Variants in MARCHF1 observed in about 807,000 individuals in gnomAD.
The protein encoded by MARCHF1 is membrane associated ring-CH-type finger 1.
In MARCHF1, 40 loss-of-function variants were observed where a neutral mutation model predicts 54.2. That is an observed-to-expected ratio of 0.74 (90% CI 0.57 to 0.96). MARCHF1 has a LOEUF of 0.96. MARCHF1 is among the 40% of genes least tolerant of loss of function. MARCHF1 has a pLI of 0.00. For missense variants in MARCHF1, 586 were observed against 656.5 expected, an observed-to-expected ratio of 0.89 and a Z score of 1.17; for synonymous variants, 236 against 236.3, an observed-to-expected ratio of 1.00 and a Z score of 0.01.
chr4:163,595,311 C>T (rs1373753833), intron 7 of MARCHF1, among the ~76,000 whole-genome samples: 1 of 150,854 alleles, frequency 6.6e-6, no homozygotes, highest in African/African-American at 2.4e-5. Context: ...CAGTTTGAGA[C>T]CCGCCTGGGT....
chr4:163,802,598 G>C (rs761418184), intron 4 of MARCHF1, among the ~76,000 whole-genome samples: 2 of 152,096 alleles, frequency 1.3e-5, no homozygotes, highest in African/African-American at 2.4e-5. Flanking sequence ...GTATCCGAGA[G>C]AAAATATATG....
At chr4:163,726,133 T>C (rs774134337) in intron 4 of MARCHF1, among the ~76,000 whole-genome samples, 14 of 152,160 alleles carry the variant, frequency 9.2e-5, no homozygotes, top group Non-Finnish European at 1.3e-4. Flanking sequence ...CACATCATTA[T>C]CACCCAAAGT....
At chr4:163,605,806 A>T (rs1741121871) in intron 7 of MARCHF1, among the ~76,000 whole-genome samples, 1 of 152,138 alleles carries the variant, frequency 6.6e-6, no homozygotes, top group Non-Finnish European at 1.5e-5. Context: ...TAACACAGGA[A>T]CAGAAAACCA....
At chr4:164,108,918 T>A (rs1457620614) in intron 2 of MARCHF1, among the ~76,000 whole-genome samples, 1 of 152,078 alleles carries the variant, frequency 6.6e-6, no homozygotes, top group Non-Finnish European at 1.5e-5. Flanking sequence ...ATTAAAACAT[T>A]TGTTTAAATC....
intron 1 of MARCHF1, among the ~76,000 whole-genome samples, chr4:164,304,171 CTA>C (rs1251033901): frequency 6.6e-6 from 1 of 152,166 alleles, no homozygotes; most frequent in East Asian, 1.9e-4. Context: ...ATGCCAGAAA[CTA>C]TGTTACATGA....
At chr4:164,357,975 G>C (rs2110914473) in intron 1 of MARCHF1, among the ~76,000 whole-genome samples, 1 of 152,274 alleles carries the variant, frequency 6.6e-6, no homozygotes, top group African/African-American at 2.4e-5. Context: ...TCAGGTGACA[G>C]ATGACAAGGT....
At chr4:163,910,148 T>C (rs1015765995) in intron 3 of MARCHF1, among the ~76,000 whole-genome samples, 4 of 152,162 alleles carry the variant, frequency 2.6e-5, no homozygotes, top group Non-Finnish European at 5.9e-5. Context: ...ATTCATTAGT[T>C]TATATCTGAG....
intron 1 of MARCHF1, among the ~76,000 whole-genome samples, chr4:164,218,768 G>A (rs1412551453): frequency 6.6e-6 from 1 of 150,816 alleles, no homozygotes; most frequent in Admixed American, 6.6e-5. Flanking sequence ...GTTAATGGGT[G>A]CAACACACCA....
In MARCHF1 at chr4:163,606,834, A is replaced by G. The variant is rs540633905; in HGVS notation, c.1010+5437T>C. 2.6e-4 allele frequency among the ~76,000 whole-genome samples: 40 copies of G among 152,216 alleles called. No homozygotes were observed. In the South Asian group the frequency reaches 7.7e-3, roughly 29 times the overall value. ...ATCCAGTCTTCCCATTCAAGGACTT[A>G]GTCCAACCACAATACCCTATGATCC... On this transcript the variant is annotated intron_variant, in intron 7 of 9. Coordinates refer to ENST00000514618, the MANE Select transcript of MARCHF1 (RefSeq NM_001394959.1).
intron 4 of MARCHF1, among the ~76,000 whole-genome samples, chr4:163,736,770 C>A (rs1374867962): frequency 1.3e-5 from 2 of 152,106 alleles, no homozygotes; most frequent in Non-Finnish European, 2.9e-5. Flanking sequence ...ATAAAGTATT[C>A]ACCAAGTATG....
At chr4:163,688,743 A>G (rs1489130317) in intron 5 of MARCHF1, among the ~76,000 whole-genome samples, 1 of 152,168 alleles carries the variant, frequency 6.6e-6, no homozygotes, top group Non-Finnish European at 1.5e-5. Flanking sequence ...GAGAGCATTC[A>G]TTCCTCTCTG....
At chr4:163,722,887 C>T (rs961953261) in intron 4 of MARCHF1, among the ~76,000 whole-genome samples, 3 of 152,146 alleles carry the variant, frequency 2.0e-5, no homozygotes, top group Non-Finnish European at 4.4e-5. Context: ...GTAGATCTTC[C>T]TCCATCCCTA....
At chr4:163,630,751 T>C (rs966651737) in intron 5 of MARCHF1, among the ~76,000 whole-genome samples, 3 of 151,122 alleles carry the variant, frequency 2.0e-5, no homozygotes, top group Non-Finnish European at 4.4e-5. Context: ...ATAAAGGAAA[T>C]GTTAAAAATT....
intron 1 of MARCHF1, among the ~76,000 whole-genome samples, chr4:164,349,509 T>C (rs986705991): frequency 2.0e-5 from 3 of 152,212 alleles, no homozygotes; most frequent in East Asian, 1.9e-4. Context: ...TTTTCTAATA[T>C]ATATCCTTTT....
intron 4 of MARCHF1, among the ~76,000 whole-genome samples, chr4:163,745,923 C>T (rs1348084849): frequency 6.6e-6 from 1 of 151,770 alleles, no homozygotes; most frequent in African/African-American, 2.4e-5. Flanking sequence ...TTCCCATATT[C>T]CTCTTACTGC....
chr4:164,344,180 A>T (rs1408740920), intron 1 of MARCHF1, among the ~76,000 whole-genome samples: 2 of 152,144 alleles, frequency 1.3e-5, no homozygotes, highest in Non-Finnish European at 2.9e-5. Flanking sequence ...CACTAAGTAC[A>T]TATGCACACA....
chr4:163,794,669 A>G lies in MARCHF1; in HGVS notation c.111+59352T>C, dbSNP rs181688736. 2.0e-5 allele frequency among the ~76,000 whole-genome samples: 3 copies of G among 152,230 alleles called. No homozygotes were observed. In the East Asian group the frequency reaches 5.8e-4, roughly 29 times the overall value. ...CTGCATTAACCATGTATTACATCTT[A>G]TGTTAAAATGTATTTTATTGTTAAA... On this transcript the variant is annotated intron_variant, in intron 4 of 9. Transcript: ENST00000514618.
intron 4 of MARCHF1, among the ~76,000 whole-genome samples, chr4:163,780,582 GA>G (rs926600872): frequency 6.7e-6 from 1 of 148,258 alleles, no homozygotes; most frequent in South Asian, 2.2e-4. Flanking sequence ...AAGGCTGTAA[GA>G]AAAAAAAGAA....
chr4:164,032,326 T>C (rs989200905), intron 2 of MARCHF1, among the ~76,000 whole-genome samples: 1 of 152,202 alleles, frequency 6.6e-6, no homozygotes, highest in Non-Finnish European at 1.5e-5. Flanking sequence ...TTCATGTTAC[T>C]ATCTCCTTCG....
Sources: gnomAD v4.1 joint callset for allele counts (sites outside exome capture counted in the v4.1 genomes callset) on GRCh38, gnomAD v4.1.1 for gene constraint, MANE v1.5 for transcripts, NCBI Gene and HGNC (gene_info 2026-07-23, HGNC 2026-07-21) for gene names.